MKLN1: variants seen among roughly 807,000 people sequenced by gnomAD.
The protein encoded by MKLN1 is muskelin 1.
Under a neutral mutation model 99.0 loss-of-function variants are expected in MKLN1, and 18 were observed. The observed-to-expected ratio is 0.18, with a 90% confidence interval of 0.13 to 0.27. MKLN1 has a LOEUF of 0.27. Among genes scored for constraint, MKLN1 ranks in the 10% least tolerant of loss-of-function variants. The pLI, the probability that MKLN1 is intolerant of heterozygous loss-of-function variation, is 1.00. For missense variants in MKLN1, 621 were observed against 875.9 expected (o/e 0.71, Z 3.67); for synonymous variants, 288 against 293.2 (o/e 0.98, Z 0.18).
intron 16 of MKLN1, chr7:131,471,634 T>G (rs1221041240): frequency 6.6e-6 from 1 of 152,396 alleles, no homozygotes; most frequent in Non-Finnish European, 1.5e-5. Context: ...ATTTTTTCCT[T>G]TTCCAGGCAT....
chr7:131,229,773 C>A (rs1034746508), intron 3 of MKLN1, among the ~76,000 whole-genome samples: 1 of 151,968 alleles, frequency 6.6e-6, no homozygotes, highest in Non-Finnish European at 1.5e-5. Context: ...GGGCTGGTGT[C>A]GAACTCCTGG....
intron 2 of MKLN1, among the ~76,000 whole-genome samples, chr7:131,150,516 TA>T (rs1795874012): frequency 6.6e-6 from 1 of 150,762 alleles, no homozygotes; most frequent in Non-Finnish European, 1.5e-5. Context: ...CAAACAATAA[TA>T]AAATAGCTAT....
intron 1 of MKLN1, among the ~76,000 whole-genome samples, chr7:131,370,784 G>T (rs991815579): frequency 1.3e-5 from 2 of 152,134 alleles, no homozygotes; most frequent in African/African-American, 2.4e-5. Flanking sequence ...TGCAGTTGAT[G>T]CCTGACTCTT....
intron 14 of MKLN1, 37 bp downstream of exon 14, chr7:131,464,445 CCTA>C: frequency 8.1e-7 from 1 of 1,238,930 alleles, no homozygotes; most frequent in Non-Finnish European, 1.2e-6. Context: ...CTTTCCATGG[CCTA>C]CTATCTGAAA....
intron 2 of MKLN1, among the ~76,000 whole-genome samples, chr7:131,376,128 A>ATG (rs1187172425): frequency 3.5e-3 from 18 of 5,106 alleles, no homozygotes; most frequent in Admixed American, 0.022. Flanking sequence ...ATATATATAT[A>ATG]TATATATGTA....
intron 3 of MKLN1, among the ~76,000 whole-genome samples, chr7:131,226,804 T>G (rs887862333): frequency 4.6e-5 from 7 of 151,886 alleles, no homozygotes; most frequent in Non-Finnish European, 2.9e-5. Flanking sequence ...TTTGTTGGGG[T>G]TTTTTTTGTT....
At chr7:131,227,502 TTTC>T (rs1196137127) in intron 3 of MKLN1, among the ~76,000 whole-genome samples, 6 of 137,126 alleles carry the variant, frequency 4.4e-5, no homozygotes, top group Non-Finnish European at 8.0e-5. Context: ...TTTCTCTTTC[TTTC>T]TTTCTTTCTT....
At chr7:131,180,786 TAGA>T (rs2116358544) in intron 2 of MKLN1, among the ~76,000 whole-genome samples, 2 of 152,318 alleles carry the variant, frequency 1.3e-5, no homozygotes, top group African/African-American at 4.8e-5. Context: ...ATTATTATTT[TAGA>T]TCCCTTTTGG....
chr7:131,133,912 C>T (rs1230164266), intron 1 of MKLN1, among the ~76,000 whole-genome samples: 1 of 140,512 alleles, frequency 7.1e-6, no homozygotes, highest in African/African-American at 2.6e-5. Flanking sequence ...TCACTGCAAC[C>T]TCTGCCTCCC....
At position 131,438,003 on chromosome 7, in the gene MKLN1, A is replaced by T. The variant is rs755204604; in HGVS notation, c.1173+6A>T. Reference sequence around the variant, plus strand: ...AATTGGTGTTTGATCATCAGGTTTGATGCACAGTTAAATATATGATGGAAT... The same window carrying T: ...AATTGGTGTTTGATCATCAGGTTTGTTGCACAGTTAAATATATGATGGAAT... On this transcript the variant is annotated splice_donor_region_variant and intron_variant, in intron 10 of 17. Transcript: ENST00000352689. 7 of 1,597,158 alleles carry T rather than the reference A, an allele frequency of 4.4e-6. No individual in the cohort carries two copies. The highest frequency in any genetic ancestry group is 5.2e-6 in the Non-Finnish European group (6 of 1,164,608).
At chr7:131,457,119 A>G (rs1397611888) in intron 12 of MKLN1, among the ~76,000 whole-genome samples, 1 of 151,998 alleles carries the variant, frequency 6.6e-6, no homozygotes. Context: ...CTCCACTAAA[A>G]ATACAAAATT....
At chr7:131,385,190 T>C (rs1793973119) in intron 2 of MKLN1, among the ~76,000 whole-genome samples, 1 of 152,228 alleles carries the variant, frequency 6.6e-6, no homozygotes, top group African/African-American at 2.4e-5. Context: ...TGTGTGTCAG[T>C]GTGCATTCCT....
chr7:131,243,004 T>C (rs1797429307), intron 3 of MKLN1: 2 of 597,348 alleles, frequency 3.3e-6, no homozygotes, highest in African/African-American at 3.8e-5. Flanking sequence ...CGGTTTTAGA[T>C]GCTTCGTTTT....
chr7:131,383,585 A>G (rs1320069680), intron 2 of MKLN1, among the ~76,000 whole-genome samples: 1 of 152,238 alleles, frequency 6.6e-6, no homozygotes, highest in African/African-American at 2.4e-5. Flanking sequence ...GATTTATTAC[A>G]TAACCTCAGA....
intron 2 of MKLN1, among the ~76,000 whole-genome samples, chr7:131,152,578 C>T (rs572633108): frequency 6.7e-6 from 1 of 150,218 alleles, no homozygotes; most frequent in African/African-American, 2.4e-5. Flanking sequence ...TGGCTCACTG[C>T]AACCTCCACC....
upstream of MKLN1, chr7:131,327,788 G>A: frequency 1.4e-6 from 2 of 1,449,084 alleles, no homozygotes; most frequent in Non-Finnish European, 1.8e-6. Flanking sequence ...ATGCGGGGCG[G>A]GGAGCGCGGG....
At chr7:131,354,910 T>C (rs1003098116) in intron 1 of MKLN1, among the ~76,000 whole-genome samples, 1 of 152,126 alleles carries the variant, frequency 6.6e-6, no homozygotes, top group Non-Finnish European at 1.5e-5. Context: ...TCTTGATCAT[T>C]TATTAAATTT....
chr7:131,392,328 T>C (rs1173142944), intron 4 of MKLN1, among the ~76,000 whole-genome samples: 1 of 152,148 alleles, frequency 6.6e-6, no homozygotes. Flanking sequence ...GCTTTAACTC[T>C]GGCTGGATGC....
intron 3 of MKLN1, among the ~76,000 whole-genome samples, chr7:131,235,620 A>G (rs140771034): frequency 6.6e-6 from 1 of 152,342 alleles, no homozygotes; most frequent in African/African-American, 2.4e-5. Context: ...CTCCAGGCGT[A>G]GGAGCAAAAT....
Sources: gnomAD v4.1 joint callset for allele counts (sites outside exome capture counted in the v4.1 genomes callset) on GRCh38, gnomAD v4.1.1 for gene constraint, MANE v1.5 for transcripts, NCBI Gene and HGNC (gene_info 2026-07-23, HGNC 2026-07-21) for gene names.